The following DACH2 variants were observed in gnomAD, a reference collection of about 807,000 sequenced individuals.
DACH2 encodes the protein dachshund family transcription factor 2, also known as dachshund homolog 2.
Under a neutral mutation model 35.8 loss-of-function variants are expected in DACH2, and 17 were observed. The observed-to-expected ratio is 0.48, with a 90% confidence interval of 0.33 to 0.71. DACH2 has a LOEUF of 0.71. DACH2 is among the 30% of genes least tolerant of loss of function. The probability of loss-of-function intolerance (pLI) is 0.02; values close to 1 mark genes in which losing one functional copy is unlikely to be tolerated. For missense variants in DACH2, 469 were observed against 472.7 expected (o/e 0.99, Z 0.07); for synonymous variants, 195 against 177.3 (o/e 1.10, Z -0.79).
At chrX:86,473,291 T>A (rs2037789023) in intron 2 of DACH2, among the ~76,000 whole-genome samples, 1 of 111,352 alleles carries the variant, frequency 9.0e-6, no homozygotes, top group African/African-American at 3.3e-5. Flanking sequence ...TTGATACAGG[T>A]ATACAATGTG....
chrX:86,347,879 G>A (rs1031627768), intron 1 of DACH2, among the ~76,000 whole-genome samples: 10 of 111,941 alleles, frequency 8.9e-5, no homozygotes, highest in Admixed American at 9.5e-5. Flanking sequence ...TTTATGCTAA[G>A]AGGAAAAGTT....
intron 6 of DACH2, among the ~76,000 whole-genome samples, chrX:86,733,844 A>G (rs2041562616): frequency 9.0e-6 from 1 of 111,478 alleles, no homozygotes; most frequent in Non-Finnish European, 1.9e-5. Context: ...TATTAAAATT[A>G]GTCAACACAG....
chrX:86,239,181 T>G (rs1569312632), intron 1 of DACH2, among the ~76,000 whole-genome samples: 1 of 112,028 alleles, frequency 8.9e-6, no homozygotes, highest in African/African-American at 3.2e-5. Context: ...GTTTTTGGTT[T>G]GAGCTTTGAA....
At chrX:86,151,130 G>A (rs1489348931) in intron 1 of DACH2, among the ~76,000 whole-genome samples, 1 of 110,390 alleles carries the variant, frequency 9.1e-6, no homozygotes, top group Non-Finnish European at 1.9e-5. Context: ...TTTTATTAGA[G>A]CTACTTACTA....
At chrX:86,444,153 C>A (rs1446810147) in intron 2 of DACH2, among the ~76,000 whole-genome samples, 1 of 111,774 alleles carries the variant, frequency 8.9e-6, no homozygotes, top group Non-Finnish European at 1.9e-5. Context: ...TGCAGTAGTG[C>A]TATCATGGTT....
intron 1 of DACH2, among the ~76,000 whole-genome samples, chrX:86,327,125 G>A (rs1197168208): frequency 8.9e-6 from 1 of 111,908 alleles, no homozygotes; most frequent in Non-Finnish European, 1.9e-5. Flanking sequence ...TTAAAAATAA[G>A]CATTCTCTGG....
intron 1 of DACH2, among the ~76,000 whole-genome samples, chrX:86,220,137 G>A (rs1438740216): frequency 4.5e-5 from 4 of 89,138 alleles, no homozygotes; most frequent in Non-Finnish European, 8.3e-5. Context: ...TTGCACTCCA[G>A]CCTGGGTGAC....
chrX:86,629,856 C>G (rs768008544), intron 3 of DACH2, among the ~76,000 whole-genome samples: 3 of 111,048 alleles, frequency 2.7e-5, no homozygotes, highest in Non-Finnish European at 5.7e-5. Flanking sequence ...GCCTGAGCAA[C>G]AGAGCGAGAC....
chrX:86,401,155 C>T (rs972974244), intron 2 of DACH2, among the ~76,000 whole-genome samples: 11 of 112,064 alleles, frequency 9.8e-5, no homozygotes, highest in Admixed American at 2.8e-4. Context: ...ATTGAGGCTC[C>T]GTGGGTGTAG....
intron 1 of DACH2, among the ~76,000 whole-genome samples, chrX:86,349,205 G>A (rs969236251): frequency 9.0e-6 from 1 of 111,460 alleles, no homozygotes; most frequent in Non-Finnish European, 1.9e-5. Flanking sequence ...GGGGGATGGA[G>A]TGGGAAAGTG....
chrX:86,727,369 T>C (rs2041481828), intron 6 of DACH2, among the ~76,000 whole-genome samples: 1 of 112,055 alleles, frequency 8.9e-6, no homozygotes, highest in African/African-American at 3.2e-5. Flanking sequence ...ATGTGTTTAG[T>C]TATATAAAAC....
chrX:86,409,321 T>G (rs1330811461), intron 2 of DACH2, among the ~76,000 whole-genome samples: 1 of 111,379 alleles, frequency 9.0e-6, no homozygotes, highest in African/African-American at 3.3e-5. Context: ...TATGGCATAG[T>G]GGCACTTCAT....
At chrX:86,808,645 CAAAA>C (rs56053664) in intron 7 of DACH2, among the ~76,000 whole-genome samples, 1 of 85,329 alleles carries the variant, frequency 1.2e-5, no homozygotes. Context: ...ATGACATTGC[CAAAA>C]AAAAAAAAAA....
rs199901080 is a variant in DACH2, at chrX:86,667,499, GAGAAAGAAAGAAAGAAAGAA to G, written c.772+16361_772+16380del. 7.3e-3 allele frequency among the ~76,000 whole-genome samples: 310 copies of G among 42,194 alleles called. 7 individuals are homozygous for G. The highest frequency in any genetic ancestry group is 0.025 in the African/African-American group (268 of 10,649). 36.6% of individuals were successfully genotyped at this position (42,194 alleles called of 115,157 possible). A position where few individuals can be genotyped will look rare whatever the true frequency, so the allele number is the denominator to read the frequency against. Reference sequence around the variant, plus strand: ...AGAAAGAAGGAAGGAAAGAAAGAAAGAGAAAGAAAGAAAGAAAGAAAGAAAGAAAGAAAGAAAGAAAGAAA... The same window carrying G: ...AGAAAGAAGGAAGGAAAGAAAGAAAGAGAAAGAAAGAAAGAAAGAAAGAAA... On this transcript the variant is annotated intron_variant, in intron 4 of 11. Transcript: ENST00000373125.
chrX:86,310,610 T>C (rs1012579595), intron 1 of DACH2, among the ~76,000 whole-genome samples: 52 of 112,089 alleles, frequency 4.6e-4, no homozygotes, highest in Non-Finnish European at 1.3e-4. Flanking sequence ...TTGTGCACTT[T>C]GCATGGAAGG....
At chrX:86,815,938 C>G (rs1348538512) in intron 10 of DACH2, 96 bp from the exon 11 acceptor site, 1 of 646,046 alleles carries the variant, frequency 1.5e-6, no homozygotes, top group African/African-American at 2.3e-5. Flanking sequence ...CTTATGTTAT[C>G]TATAGGACCA....
At chrX:86,392,840 T>C (rs1046558164) in intron 2 of DACH2, among the ~76,000 whole-genome samples, 2 of 111,432 alleles carry the variant, frequency 1.8e-5, no homozygotes, top group Non-Finnish European at 3.8e-5. Context: ...TTAAAATATC[T>C]TAACATAGCT....
chrX:86,655,331 T>G (rs1182183021), intron 4 of DACH2, among the ~76,000 whole-genome samples: 1 of 111,769 alleles, frequency 8.9e-6, no homozygotes, highest in East Asian at 2.8e-4. Flanking sequence ...TTCAGTTGAG[T>G]GGGCTGTGAG....
chrX:86,196,189 A>G lies in DACH2; in HGVS notation c.488+47081A>G, dbSNP rs369862682. 5.4e-5 allele frequency among the ~76,000 whole-genome samples: 6 copies of G among 111,932 alleles called. No homozygotes were observed. In the South Asian group the frequency reaches 2.3e-3, roughly 42 times the overall value. ...ACCCAATCCAAGGAAGTTAAGAGTC[A>G]CAATAAAATGATGCAGGAGCTGACA... On this transcript the variant is annotated intron_variant, in intron 1 of 11. Coordinates refer to ENST00000373125, the MANE Select transcript of DACH2 (RefSeq NM_053281.3).
Sources: allele counts gnomAD v4.1 joint callset (sites outside exome capture counted in the v4.1 genomes callset), GRCh38; gene constraint gnomAD v4.1.1; transcripts MANE v1.5; gene names NCBI Gene and HGNC (gene_info 2026-07-23, HGNC 2026-07-21).